IQSEC3: variants seen among roughly 807,000 people sequenced by gnomAD.
IQSEC3 encodes the protein IQ motif and SEC7 domain-containing protein 3.
IQSEC3 carries 50 observed loss-of-function variants against 105.4 expected under a neutral mutation model. The ratio of observed to expected loss-of-function variants is 0.47; its 90% CI spans 0.38 to 0.60. The LOEUF (loss-of-function observed/expected upper bound fraction) is 0.60, where lower values mean the gene tolerates loss of function less well. Among genes scored for constraint, IQSEC3 ranks in the 20% least tolerant of loss-of-function variants. IQSEC3 has a pLI of 0.00. For missense variants in IQSEC3, 1,415 were observed against 1,630.0 expected, an observed-to-expected ratio of 0.87 and a Z score of 2.27; for synonymous variants, 708 against 746.0, an observed-to-expected ratio of 0.95 and a Z score of 0.83.
chr12:139,334 C>T lies in IQSEC3; in HGVS notation c.1971C>T (p.Ile657=), dbSNP rs1023987678. The T allele has an allele frequency of 2.5e-6, 4 of 1,575,728 alleles. No homozygotes were observed. The highest frequency in any genetic ancestry group is 2.4e-5 in the East Asian group (1 of 42,038). ...TDTLRKRLYR[I]GLNLFNINPD... Reference sequence around the variant, plus strand: ...CCCTGCGCAAGCGGCTCTACCGCATCGGCCTCAACCTCTTCAACATGTAAG... The same window carrying T: ...CCCTGCGCAAGCGGCTCTACCGCATTGGCCTCAACCTCTTCAACATGTAAG... The change falls in exon 4 of 14, where the codon ATC becomes ATT. Residue 657 remains isoleucine, a synonymous_variant. Transcript: ENST00000538872.
In IQSEC3 at chr12:125,923, C is replaced by T. The variant is rs777199544; in HGVS notation, c.903+11C>T. 2.8e-5 allele frequency: 43 copies of T among 1,530,706 alleles called. No individual in the cohort carries two copies. Among genetic ancestry groups the T allele is most frequent in the Non-Finnish European group, 3.1e-5 (35 of 1,145,376 alleles). The allele number at this position is 1,530,706 out of a possible 1,614,324, so 94.8% of individuals were successfully genotyped here. A position where few individuals can be genotyped will look rare whatever the true frequency, so the allele number is the denominator to read the frequency against. Reference sequence around the variant, plus strand: ...CTAAAGAATAAACAGGTACCCAGGGCCTCCTAGGGGGGCGGGGAGGGTGGT... The same window carrying T: ...CTAAAGAATAAACAGGTACCCAGGGTCTCCTAGGGGGGCGGGGAGGGTGGT... On this transcript the variant is annotated intron_variant, in intron 3 of 13. Transcript: ENST00000538872.
chr12:108,961 C>G (rs1490855894), intron 2 of IQSEC3, among the ~76,000 whole-genome samples: 3 of 152,256 alleles, frequency 2.0e-5, no homozygotes, highest in Non-Finnish European at 4.4e-5. Context: ...TTGTCCCGCT[C>G]TGGGAGGGGA....
At chr12:97,922 C>T (rs1864290757) in intron 1 of IQSEC3, among the ~76,000 whole-genome samples, 1 of 152,232 alleles carries the variant, frequency 6.6e-6, no homozygotes, top group African/African-American at 2.4e-5. Flanking sequence ...TGGGAGGTGG[C>T]TACCAAATTC....
intron 13 of IQSEC3, among the ~76,000 whole-genome samples, chr12:173,707 G>C (rs1939126855): frequency 6.6e-6 from 1 of 152,208 alleles, no homozygotes; most frequent in African/African-American, 2.4e-5. Context: ...CCACGGGCAG[G>C]GGAGCTTGCG....
At position 174,783 on chromosome 12, in the gene IQSEC3, T is replaced by C. The variant is rs1242235164; in HGVS notation, c.3299T>C (p.Ile1100Thr). Residue 1100 changes from isoleucine (I) to threonine (T), a missense_variant, in exon 14 of 14, where the codon ATT (isoleucine) becomes ACT (threonine). Transcript: ENST00000538872. ...CAGTGCCAGCAAATTGTCAAGGTCA[T>C]TGTCCTGGACAAGCCCTGCCTGGCC... ...LVQCQQIVKV[I>T]VLDKPCLARM... 3 of 1,589,066 alleles carry C rather than the reference T, an allele frequency of 1.9e-6. No homozygotes were observed. The highest frequency in any genetic ancestry group is 2.6e-6 in the Non-Finnish European group (3 of 1,176,382).
At chr12:171,570 C>A in intron 13 of IQSEC3, 3 of 581,510 alleles carry the variant, frequency 5.2e-6, no homozygotes, top group Admixed American at 3.2e-5. Context: ...CTCCCACCAT[C>A]CATAGCGGGG....
intron 1 of IQSEC3, among the ~76,000 whole-genome samples, chr12:91,321 G>A (rs1864077119): frequency 6.6e-6 from 1 of 152,172 alleles, no homozygotes; most frequent in South Asian, 2.1e-4. Context: ...ATATAGATGT[G>A]GGAAGTTACA....
chr12:156,017 G>A (rs1555094127), intron 5 of IQSEC3, among the ~76,000 whole-genome samples: 1 of 152,170 alleles, frequency 6.6e-6, no homozygotes, highest in African/African-American at 2.4e-5. Context: ...ATGGCCCTGG[G>A]GACAGGGCAC....
intron 2 of IQSEC3, among the ~76,000 whole-genome samples, chr12:109,951 C>T (rs1864823093): frequency 6.6e-6 from 1 of 152,188 alleles, no homozygotes; most frequent in African/African-American, 2.4e-5. Flanking sequence ...TGGGCCCTGG[C>T]CCCTGACAAT....
At chr12:83,987 G>A (rs1346634711) in intron 1 of IQSEC3, among the ~76,000 whole-genome samples, 2 of 152,202 alleles carry the variant, frequency 1.3e-5, no homozygotes, top group Non-Finnish European at 2.9e-5. Context: ...GAGGCTCAAA[G>A]AGGTTAAGGT....
intron 3 of IQSEC3, chr12:137,419 A>AGGGGAGGAGCGGGGAAGCACGAGGAG (rs1555086751): frequency 1.3e-5 from 2 of 151,850 alleles, no homozygotes; most frequent in African/African-American, 4.8e-5. Flanking sequence ...TTCATTGTTT[A>AGGGGAGGAGCGGGGAAGCACGAGGAG]TTGTTTTAAA....
Position 125,686 on chromosome 12 carries a change from C to A in IQSEC3, c.677C>A (p.Ala226Glu). Residue 226 changes from alanine (A) to glutamate (E), a missense_variant, in exon 3 of 14, where the codon GCG (alanine) becomes GAG (glutamate). Transcript: ENST00000538872. ...GGCATGGAGGACTCCGTGGTGGCAGCGGCGGCGGTGGCAGCCGGCAGACCC... is the reference window on the plus strand; with the variant it reads ...GGCATGGAGGACTCCGTGGTGGCAGAGGCGGCGGTGGCAGCCGGCAGACCC... The part of the protein sequence containing the change: ...GGGMEDSVVA[A>E]AAVAAGRPSA... 6.5e-7 allele frequency: 1 copy of A among 1,534,230 alleles called. No homozygotes were observed. Among genetic ancestry groups the A allele is most frequent in the Non-Finnish European group, 8.7e-7 (1 of 1,151,602 alleles).
intron 1 of IQSEC3, among the ~76,000 whole-genome samples, chr12:78,250 G>C (rs1218000696): frequency 7.0e-6 from 1 of 143,508 alleles, no homozygotes; most frequent in Non-Finnish European, 1.6e-5. Context: ...CTGCGGCACC[G>C]CCCGCCGCCA....
chr12:74,532 A>AGG (rs1863444116), intron 1 of IQSEC3, among the ~76,000 whole-genome samples: 1 of 152,216 alleles, frequency 6.6e-6, no homozygotes, highest in Non-Finnish European at 1.5e-5. Flanking sequence ...GGGATCTGGG[A>AGG]GGGTTATGTA....
rs528970820 is a variant in IQSEC3, at chr12:151,693, G to A, written c.2154-5332G>A. On this transcript the variant is annotated intron_variant, in intron 5 of 13. Transcript: ENST00000538872. ...CCAAATCCTTCTCATGACCCACAAA[G>A]CTGACAGACTGAGCCCTGGCTGCTG... 2.9e-4 allele frequency among the ~76,000 whole-genome samples: 44 copies of A among 152,276 alleles called. 1 individual carries two copies. The highest frequency in any genetic ancestry group is 6.8e-3 in the Middle Eastern group (2 of 294).
intron 13 of IQSEC3, among the ~76,000 whole-genome samples, chr12:174,137 T>C (rs1379064148): frequency 6.6e-6 from 1 of 152,104 alleles, no homozygotes; most frequent in African/African-American, 2.4e-5. Flanking sequence ...ATCCTTCCTC[T>C]ATAACAAGGC....
At chr12:161,346 T>C (rs1355776358) in intron 7 of IQSEC3, among the ~76,000 whole-genome samples, 1 of 152,198 alleles carries the variant, frequency 6.6e-6, no homozygotes, top group Non-Finnish European at 1.5e-5. Context: ...TTATCATTAC[T>C]ATGAAGCAGG....
chr12:70,937 AC>A (rs1418313762), intron 1 of IQSEC3, among the ~76,000 whole-genome samples: 1 of 152,008 alleles, frequency 6.6e-6, no homozygotes, highest in Non-Finnish European at 1.5e-5. Context: ...CTGCCTCACT[AC>A]CCTTTTTCCT....
chr12:83,237 T>C (rs1485441564), intron 1 of IQSEC3, among the ~76,000 whole-genome samples: 2 of 152,208 alleles, frequency 1.3e-5, no homozygotes, highest in Admixed American at 6.5e-5. Context: ...ATCATATGTA[T>C]ACATTCATTT....
Sources: gnomAD v4.1 joint callset for allele counts (sites outside exome capture counted in the v4.1 genomes callset) on GRCh38, gnomAD v4.1.1 for gene constraint, MANE v1.5 for transcripts, NCBI Gene and HGNC (gene_info 2026-07-23, HGNC 2026-07-21) for gene names.